EFCAB12: variants seen among roughly 807,000 people sequenced by gnomAD.
The protein encoded by EFCAB12 is EF-hand calcium binding domain 12.
Under a neutral mutation model 53.6 loss-of-function variants are expected in EFCAB12, and 43 were observed. That is an observed-to-expected ratio of 0.80 (90% CI 0.63 to 1.03). EFCAB12 has a LOEUF of 1.03. Among genes scored for constraint, EFCAB12 ranks in the 50% least tolerant of loss-of-function variants. EFCAB12 has a pLI of 0.00. For synonymous variants in EFCAB12, 269 were observed against 289.2 expected, an observed-to-expected ratio of 0.93 and a Z score of 0.71; for missense variants, 646 against 730.6, an observed-to-expected ratio of 0.88 and a Z score of 1.34.
Position 129,418,374 on chromosome 3 carries a change from C to T in EFCAB12, c.561G>A (p.Leu187=), listed in dbSNP as rs1353009243. 5 of 1,613,522 alleles carry T rather than the reference C, an allele frequency of 3.1e-6. No individual in the cohort carries two copies. The highest frequency in any genetic ancestry group is 4.2e-6 in the Non-Finnish European group (5 of 1,179,742). ...TATGCAGGTAGGAGTACATGACCGA[C>T]AGGGCAGGGGGCTCGGGCAGCTGGA... ...PQLQLPEPPA[L]SVMYSYLHSR... Residue 187 remains leucine, a synonymous_variant, in exon 3 of 9, where the codon CTG becomes CTA. Coordinates refer to ENST00000505956, the MANE Select transcript of EFCAB12 (RefSeq NM_207307.3).
chr3:129,401,984 C>G, intron 8 of EFCAB12, 133 bp from the exon 9 acceptor site: 2 of 1,260,948 alleles, frequency 1.6e-6, no homozygotes, highest in Non-Finnish European at 2.1e-6. Context: ...CCTCAGTCCT[C>G]CCCACAGTTC....
intron 4 of EFCAB12, chr3:129,412,433 GA>G (rs2072055383): frequency 8.4e-5 from 1 of 11,880 alleles, no homozygotes; most frequent in Non-Finnish European, 7.9e-4. Context: ...TGGATGGATA[GA>G]TAGATAGATA....
intron 1 of EFCAB12, among the ~76,000 whole-genome samples, chr3:129,426,643 C>T (rs569308127): frequency 6.7e-4 from 101 of 151,466 alleles, no homozygotes; most frequent in East Asian, 2.2e-3. Flanking sequence ...GGATTACAGG[C>T]GTGAGCCACG....
chr3:129,401,954 CT>C, intron 8 of EFCAB12, 103 bp from the exon 9 acceptor site: 1 of 1,454,640 alleles, frequency 6.9e-7, no homozygotes, highest in African/African-American at 1.4e-5. Context: ...AGATTTAGCA[CT>C]GTGCCAAGCA....
chr3:129,409,209 G>T (rs2071998424), intron 5 of EFCAB12, among the ~76,000 whole-genome samples: 1 of 152,256 alleles, frequency 6.6e-6, no homozygotes, highest in Non-Finnish European at 1.5e-5. Flanking sequence ...CAGCACTTCG[G>T]GAGGCCGAGG....
intron 7 of EFCAB12, chr3:129,403,199 C>T (rs2071898045): frequency 1.3e-5 from 2 of 153,006 alleles, no homozygotes; most frequent in South Asian, 2.1e-4. Flanking sequence ...CCTGGCCCAC[C>T]CCGGGGCTGG....
At chr3:129,428,090 C>T (rs1354719322) in intron 1 of EFCAB12, among the ~76,000 whole-genome samples, 1 of 152,152 alleles carries the variant, frequency 6.6e-6, no homozygotes, top group East Asian at 1.9e-4. Flanking sequence ...GTCCTTTACC[C>T]GTGAAGCTGC....
intron 1 of EFCAB12, among the ~76,000 whole-genome samples, chr3:129,427,870 T>G (rs1195986675): frequency 6.6e-6 from 1 of 152,178 alleles, no homozygotes; most frequent in Non-Finnish European, 1.5e-5. Flanking sequence ...ACCTCTTGGG[T>G]CATGCTGTTT....
At position 129,401,824 on chromosome 3, in the gene EFCAB12, A is replaced by C. The variant is rs372489096; in HGVS notation, c.1488T>G (p.Gly496=). The C allele has an allele frequency of 6.2e-7, 1 of 1,612,700 alleles. No individual in the cohort carries two copies. Among genetic ancestry groups the C allele is most frequent in the African/African-American group, 1.3e-5 (1 of 74,926 alleles). Residue 496 remains glycine, a synonymous_variant, in exon 9 of 9, where the codon GGT becomes GGG. Transcript: ENST00000505956. ...AGGAATTGGGGTGTGTTTGCTGCAGACCACTGGACCTCTTCACCTTCAGCT... is the reference window on the plus strand; with the variant it reads ...AGGAATTGGGGTGTGTTTGCTGCAGCCCACTGGACCTCTTCACCTTCAGCT... ...TRKLKVKRSS[G]LQQTHPNSFW...
intron 3 of EFCAB12, among the ~76,000 whole-genome samples, chr3:129,416,026 G>A (rs776242267): frequency 1.3e-5 from 2 of 152,124 alleles, no homozygotes; most frequent in Non-Finnish European, 1.5e-5. Flanking sequence ...CAAGTGATCC[G>A]CCTGGTTCGG....
chr3:129,411,311 G>A lies in EFCAB12; in HGVS notation c.882C>T (p.Leu294=), dbSNP rs1449250078. Residue 294 remains leucine, a synonymous_variant, in exon 5 of 9, where the codon CTC becomes CTT. Transcript: ENST00000505956. The part of the protein sequence containing the change: ...AKHRDSLKGP[L]KKQEVDSAPQ... ...GGGCTGAATCCACCTCCTGCTTCTT[G>A]AGCGGACCCTTCAGGGAATCTCTGT... The A allele has an allele frequency of 1.9e-6, 3 of 1,607,352 alleles. No homozygotes were observed. Among genetic ancestry groups the A allele is most frequent in the Non-Finnish European group, 2.6e-6 (3 of 1,175,784 alleles).
At position 129,401,376 on chromosome 3, in the gene EFCAB12, G is replaced by A; in HGVS notation, c.*217C>T. On this transcript the variant is annotated 3_prime_UTR_variant, in exon 9 of 9. Transcript: ENST00000505956. Reference sequence around the variant, plus strand: ...GTAGAAAGGGCAGAGGTCAGGGGAGGGAAATAGTCAAAAACTGCACGTCAT... The same window carrying A: ...GTAGAAAGGGCAGAGGTCAGGGGAGAGAAATAGTCAAAAACTGCACGTCAT... 3.6e-6 allele frequency: 2 copies of A among 550,406 alleles called. No individual in the cohort carries two copies. The highest frequency in any genetic ancestry group is 6.0e-6 in the Non-Finnish European group (2 of 335,060). 34.1% of individuals were successfully genotyped at this position (550,406 alleles called of 1,614,324 possible).
chr3:129,424,205 C>G (rs936546654), intron 1 of EFCAB12, among the ~76,000 whole-genome samples: 4 of 152,208 alleles, frequency 2.6e-5, no homozygotes, highest in Non-Finnish European at 5.9e-5. Flanking sequence ...TTTGTTAAGT[C>G]TCTTTACAAG....
intron 6 of EFCAB12, among the ~76,000 whole-genome samples, chr3:129,407,784 C>T (rs914419896): frequency 3.3e-5 from 5 of 152,118 alleles, no homozygotes; most frequent in Non-Finnish European, 7.4e-5. Flanking sequence ...CATGGTGGTG[C>T]GCACCTTTAG....
At chr3:129,413,910 A>G (rs9865316) in intron 4 of EFCAB12, 2 of 152,124 alleles carry the variant, frequency 1.3e-5, no homozygotes, top group African/African-American at 4.8e-5. Context: ...AAATAACAGG[A>G]CCCAAAATAT....
chr3:129,419,591 T>C (rs2072164830), intron 2 of EFCAB12, among the ~76,000 whole-genome samples: 2 of 152,194 alleles, frequency 1.3e-5, no homozygotes, highest in African/African-American at 4.8e-5. Context: ...TGGCTCCCTC[T>C]CGTGCACCCC....
Position 129,421,367 on chromosome 3 carries a change from C to T in EFCAB12, c.486G>A (p.Arg162=). Reference sequence around the variant, plus strand: ...TCATCTGGCAAATGGGGCTGCTCACCCTGGTGGTCCTGGTAGTTGCCTGGG... The same window carrying T: ...TCATCTGGCAAATGGGGCTGCTCACTCTGGTGGTCCTGGTAGTTGCCTGGG... ...NASQATTRTT[R]KKAPRLSRLS... Residue 162 remains arginine, a splice_region_variant and synonymous_variant, in exon 2 of 9, where the codon AGG becomes AGA. Transcript: ENST00000505956. 3.1e-6 allele frequency: 5 copies of T among 1,602,116 alleles called. No individual in the cohort carries two copies. The highest frequency in any genetic ancestry group is 4.3e-6 in the Non-Finnish European group (5 of 1,171,620).
chr3:129,402,909 C>G (rs1256430922), intron 7 of EFCAB12: 2 of 251,008 alleles, frequency 8.0e-6, no homozygotes, highest in Non-Finnish European at 1.5e-5. Flanking sequence ...AAGTCACTGC[C>G]AAATCCTTTT....
chr3:129,410,009 T>C (rs116873166), intron 5 of EFCAB12, among the ~76,000 whole-genome samples: 1 of 151,552 alleles, frequency 6.6e-6, no homozygotes, highest in Non-Finnish European at 1.5e-5. Flanking sequence ...TGTGTTTATT[T>C]ATTTATTTTT....
Sources: gnomAD v4.1 joint callset for allele counts (sites outside exome capture counted in the v4.1 genomes callset) on GRCh38, gnomAD v4.1.1 for gene constraint, MANE v1.5 for transcripts, NCBI Gene and HGNC (gene_info 2026-07-23, HGNC 2026-07-21) for gene names.